Variants in EFHB observed in about 807,000 individuals in gnomAD.
EFHB encodes the protein EF-hand domain family member B.
EFHB carries 91 observed loss-of-function variants against 87.2 expected under a neutral mutation model. The ratio of observed to expected loss-of-function variants is 1.04; its 90% CI spans 0.88 to 1.24. The LOEUF (loss-of-function observed/expected upper bound fraction) is 1.24, where lower values mean the gene tolerates loss of function less well. EFHB is among the 50% of genes most tolerant of loss of function. EFHB has a pLI of 0.00. For synonymous variants in EFHB, 325 were observed against 333.6 expected, an observed-to-expected ratio of 0.97 and a Z score of 0.28; for missense variants, 1,084 against 998.8, an observed-to-expected ratio of 1.09 and a Z score of -1.15.
intron 9 of EFHB, among the ~76,000 whole-genome samples, chr3:19,891,940 G>A (rs1429885215): frequency 2.0e-5 from 3 of 152,180 alleles, no homozygotes; most frequent in Non-Finnish European, 2.9e-5. Flanking sequence ...TTGTCTTACG[G>A]TGAGAGAGGA....
Position 19,934,092 on chromosome 3 carries a change from A to C in EFHB, c.-74T>G. The C allele has an allele frequency of 1.3e-6, 2 of 1,498,150 alleles. No homozygotes were observed. Among genetic ancestry groups the C allele is most frequent in the Non-Finnish European group, 1.8e-6 (2 of 1,127,614 alleles). The allele number at this position is 1,498,150 out of a possible 1,614,324, so 92.8% of individuals were successfully genotyped here. A position where few individuals can be genotyped will look rare whatever the true frequency, so the allele number is the denominator to read the frequency against. ...GGGAAAGCTGTACCTGGCTACAAAGACGCCTCCAATCCCTTGCGGAACCCC... is the reference window on the plus strand; with the variant it reads ...GGGAAAGCTGTACCTGGCTACAAAGCCGCCTCCAATCCCTTGCGGAACCCC... On this transcript the variant is annotated 5_prime_UTR_variant, in exon 1 of 13. Transcript: ENST00000295824.
intron 1 of EFHB, chr3:19,945,795 G>T (rs1207092255): frequency 6.6e-6 from 1 of 152,032 alleles, no homozygotes; most frequent in South Asian, 2.1e-4. Flanking sequence ...TCTGAAAGAC[G>T]GGCTGTTCAA....
intron 1 of EFHB, among the ~76,000 whole-genome samples, chr3:19,946,683 T>C (rs1696291658): frequency 6.6e-6 from 1 of 152,144 alleles, no homozygotes; most frequent in Non-Finnish European, 1.5e-5. Context: ...GGAGGTTCTC[T>C]CGTGCTAGAC....
intron 5 of EFHB, among the ~76,000 whole-genome samples, chr3:19,906,478 C>T (rs1694846818): frequency 6.6e-6 from 1 of 151,940 alleles, no homozygotes; most frequent in African/African-American, 2.4e-5. Flanking sequence ...TAAAAAAATA[C>T]TTAGGAATAA....
At chr3:19,885,707 T>TA (rs1694076155) in intron 10 of EFHB, among the ~76,000 whole-genome samples, 3 of 152,138 alleles carry the variant, frequency 2.0e-5, no homozygotes, top group Non-Finnish European at 4.4e-5. Flanking sequence ...AGAAAAGACT[T>TA]ACGTCTCTGA....
intron 4 of EFHB, among the ~76,000 whole-genome samples, chr3:19,916,664 T>G (rs1695244760): frequency 6.6e-6 from 1 of 152,162 alleles, no homozygotes; most frequent in East Asian, 1.9e-4. Flanking sequence ...ATAGCTGCAT[T>G]CCCATGACTA....
chr3:19,885,879 G>A (rs978256250), intron 10 of EFHB, among the ~76,000 whole-genome samples: 3 of 152,128 alleles, frequency 2.0e-5, no homozygotes, highest in African/African-American at 7.2e-5. Context: ...CAAAAAATTG[G>A]AAGATTACTT....
intron 1 of EFHB, among the ~76,000 whole-genome samples, chr3:19,923,958 A>G (rs1001587299): frequency 1.3e-5 from 2 of 152,048 alleles, no homozygotes; most frequent in East Asian, 3.9e-4. Context: ...TGAGCTGGGC[A>G]TGGTGGCCCA....
chr3:19,945,745 CG>C (rs2125173648), intron 1 of EFHB, among the ~76,000 whole-genome samples: 1 of 152,282 alleles, frequency 6.6e-6, no homozygotes, highest in African/African-American at 2.4e-5. Context: ...GTATCATTTA[CG>C]TATGACACAT....
intron 6 of EFHB, among the ~76,000 whole-genome samples, chr3:19,903,936 A>G (rs762395901): frequency 6.6e-6 from 1 of 152,202 alleles, no homozygotes; most frequent in Non-Finnish European, 1.5e-5. Flanking sequence ...GTAAAATGGG[A>G]AGAATAAAAG....
chr3:19,899,398 G>A, intron 7 of EFHB, 34 bp downstream of exon 7: 1 of 1,493,506 alleles, frequency 6.7e-7, no homozygotes, highest in Non-Finnish European at 9.1e-7. Flanking sequence ...TCTATGCAAA[G>A]AAACTATCAA....
rs541433036 is a variant in EFHB, at chr3:19,909,479, C to A, written c.1289-3730G>T. 6.6e-5 allele frequency among the ~76,000 whole-genome samples: 10 copies of A among 152,332 alleles called. No homozygotes were observed. In the East Asian group the frequency reaches 1.9e-3, roughly 29 times the overall value. The stretch of plus-strand genomic sequence containing the variant: ...TGTGTCTCCAAGTAACCTTGAAAGG[C>A]AGTCTAGGCCATAAGGACTGGAACT... On this transcript the variant is annotated intron_variant, in intron 5 of 12. Transcript: ENST00000295824.
intron 4 of EFHB, 21 bp downstream of exon 4, chr3:19,918,211 C>G (rs769278210): frequency 1.3e-6 from 2 of 1,542,994 alleles, no homozygotes; most frequent in South Asian, 2.5e-5. Context: ...CCTTCCCACC[C>G]CTTATTTTTT....
At chr3:19,923,563 C>T (rs1197094905) in intron 1 of EFHB, among the ~76,000 whole-genome samples, 1 of 151,972 alleles carries the variant, frequency 6.6e-6, no homozygotes, top group Admixed American at 6.6e-5. Context: ...TTTGTAGAGA[C>T]GAGTTTTTGA....
In EFHB at chr3:19,879,726, T is replaced by G. The variant is rs2071625615; in HGVS notation, c.2407A>C (p.Lys803Gln). 6.2e-7 allele frequency: 1 copy of G among 1,611,070 alleles called. No homozygotes were observed. Among genetic ancestry groups the G allele is most frequent in the Non-Finnish European group, 8.5e-7 (1 of 1,179,214 alleles). Residue 803 changes from lysine (K) to glutamine (Q), a missense_variant, in exon 13 of 13, where the codon AAG becomes CAG. Transcript: ENST00000295824. ...FENVWNLASK[K>Q]HHRGEVCVEN... ...ACACAAACTTCTCCTCTGTGATGCT[T>G]TTTTGATGCAAGATTCCATACATTT... is the stretch of plus-strand genomic sequence containing the variant.
At chr3:19,903,111 AG>A (rs561074839) in intron 6 of EFHB, among the ~76,000 whole-genome samples, 29 of 152,024 alleles carry the variant, frequency 1.9e-4, no homozygotes, top group Non-Finnish European at 3.4e-4. Flanking sequence ...CAGAAGGCAA[AG>A]GTTGCAGTGA....
intron 1 of EFHB, among the ~76,000 whole-genome samples, chr3:19,924,267 G>A (rs939770277): frequency 1.2e-4 from 18 of 149,414 alleles, no homozygotes; most frequent in African/African-American, 4.5e-4. Flanking sequence ...AGGCTGGAGT[G>A]CAGTTGTGTG....
chr3:19,922,351 A>G (rs970610969), intron 1 of EFHB, among the ~76,000 whole-genome samples: 2 of 152,190 alleles, frequency 1.3e-5, no homozygotes, highest in African/African-American at 4.8e-5. Flanking sequence ...GAAAGTGTGT[A>G]TTCAGGGCAA....
At position 19,933,689 on chromosome 3, in the gene EFHB, C is replaced by A; in HGVS notation, c.330G>T (p.Gly110=). Residue 110 remains glycine, a synonymous_variant, in exon 1 of 13, where the codon GGG becomes GGT. Transcript: ENST00000295824. ...CTGCAAGAAGACTCTCATTTTCTAA[C>A]CCCATTCTTCCTGGCAACAGAGAAG... ...TKPSLLPGRM[G]LENESLLAGY... The A allele has an allele frequency of 6.2e-7, 1 of 1,614,002 alleles. No homozygotes were observed. The highest frequency in any genetic ancestry group is 1.3e-5 in the African/African-American group (1 of 75,038).
Sources: allele counts gnomAD v4.1 joint callset (sites outside exome capture counted in the v4.1 genomes callset), GRCh38; gene constraint gnomAD v4.1.1; transcripts MANE v1.5; gene names NCBI Gene and HGNC (gene_info 2026-07-23, HGNC 2026-07-21).